RIT2: variants seen among roughly 807,000 people sequenced by gnomAD.
RIT2 encodes Ras like without CAAX 2.
In RIT2, 24 loss-of-function variants were observed where a neutral mutation model predicts 23.7. The ratio of observed to expected loss-of-function variants is 1.01; its 90% confidence interval spans 0.73 to 1.43. The LOEUF is 1.43. RIT2 is among the 40% of genes most tolerant of loss of function. The pLI, the probability that RIT2 is intolerant of heterozygous loss-of-function variation, is 0.00. For missense variants in RIT2, 236 were observed against 266.9 expected (o/e 0.88, Z 0.81); for synonymous variants, 107 against 91.1 (o/e 1.17, Z -0.99).
chr18:42,827,874 A>G (rs1002938755), intron 4 of RIT2, among the ~76,000 whole-genome samples: 10 of 151,866 alleles, frequency 6.6e-5, no homozygotes, highest in South Asian at 2.1e-4. Flanking sequence ...GCATGGTGGC[A>G]CGCGCCTGTA....
chr18:42,937,262 T>C (rs1444121863), intron 3 of RIT2, among the ~76,000 whole-genome samples: 1 of 152,134 alleles, frequency 6.6e-6, no homozygotes, highest in Non-Finnish European at 1.5e-5. Flanking sequence ...GTTACTGTCA[T>C]TTTTTTCCTA....
At chr18:43,096,912 A>G (rs1913567746) in intron 1 of RIT2, among the ~76,000 whole-genome samples, 1 of 151,956 alleles carries the variant, frequency 6.6e-6, no homozygotes. Context: ...TAAAAACAAA[A>G]TCTAATGGAC....
intron 4 of RIT2, among the ~76,000 whole-genome samples, chr18:42,920,190 T>G (rs1011385169): frequency 6.6e-6 from 1 of 152,160 alleles, no homozygotes; most frequent in Non-Finnish European, 1.5e-5. Context: ...GCTACTGCTC[T>G]AAGAAGCATG....
chr18:43,077,102 C>CAAAAAAGAAAA (rs755511835), intron 1 of RIT2, among the ~76,000 whole-genome samples: 6,487 of 79,938 alleles, frequency 0.081, 302 homozygotes, highest in East Asian at 0.13. Context: ...GACTCCGTCT[C>CAAAAAAGAAAA]AAAAAAAAAA....
chr18:42,771,624 C>T (rs1964655945), intron 4 of RIT2, among the ~76,000 whole-genome samples: 1 of 152,066 alleles, frequency 6.6e-6, no homozygotes, highest in Non-Finnish European at 1.5e-5. Context: ...TGAACAAATA[C>T]ATGGAGGGTG....
intron 1 of RIT2, among the ~76,000 whole-genome samples, chr18:43,037,202 G>A (rs888347259): frequency 1.7e-4 from 26 of 152,100 alleles, no homozygotes; most frequent in African/African-American, 5.8e-4. Context: ...AATAGGTAAC[G>A]ATCAACATGT....
chr18:42,955,101 A>G (rs1353206967), intron 3 of RIT2, among the ~76,000 whole-genome samples: 1 of 152,198 alleles, frequency 6.6e-6, no homozygotes. Context: ...TGAGGAAGTC[A>G]GATAAGCAGT....
chr18:43,052,889 C>T (rs951492312), intron 1 of RIT2, among the ~76,000 whole-genome samples: 5 of 152,072 alleles, frequency 3.3e-5, no homozygotes, highest in Non-Finnish European at 5.9e-5. Context: ...ACAGTTCTAT[C>T]TTGCCCACCA....
chr18:43,112,751 A>C (rs899496440), intron 1 of RIT2, among the ~76,000 whole-genome samples: 4 of 152,142 alleles, frequency 2.6e-5, no homozygotes, highest in African/African-American at 9.7e-5. Context: ...AAAAAGAAAA[A>C]TAAAAAAGAA....
At chr18:42,757,341 C>T (rs996512032) in intron 4 of RIT2, among the ~76,000 whole-genome samples, 13 of 152,182 alleles carry the variant, frequency 8.5e-5, no homozygotes, top group Non-Finnish European at 1.6e-4. Flanking sequence ...ACCGGGTCAT[C>T]ATGCCTTCTT....
At chr18:42,882,402 C>T (rs564299304) in intron 4 of RIT2, among the ~76,000 whole-genome samples, 15 of 152,162 alleles carry the variant, frequency 9.9e-5, no homozygotes, top group African/African-American at 1.4e-4. Context: ...TAGCAGTCTT[C>T]GCTAATTTCA....
At chr18:42,798,574 A>G (rs1246165610) in intron 4 of RIT2, among the ~76,000 whole-genome samples, 1 of 152,258 alleles carries the variant, frequency 6.6e-6, no homozygotes, top group African/African-American at 2.4e-5. Context: ...ATTAAATTGG[A>G]AAGATAATTA....
intron 4 of RIT2, among the ~76,000 whole-genome samples, chr18:42,860,903 C>A (rs1473277560): frequency 1.3e-5 from 2 of 152,152 alleles, no homozygotes; most frequent in Admixed American, 6.5e-5. Context: ...TTTCTTAAAA[C>A]CTATCTATCT....
chr18:42,984,564 T>C (rs1194261129), intron 2 of RIT2, among the ~76,000 whole-genome samples: 2 of 152,096 alleles, frequency 1.3e-5, no homozygotes, highest in Non-Finnish European at 2.9e-5. Flanking sequence ...GGATATGAGA[T>C]GTTTCTGTAT....
At chr18:42,745,460 C>T (rs181208662) in intron 4 of RIT2, among the ~76,000 whole-genome samples, 81 of 152,122 alleles carry the variant, frequency 5.3e-4, no homozygotes, top group African/African-American at 1.9e-3. Context: ...AGGTTCTTCA[C>T]TCTAGTCTGA....
At position 43,012,201 on chromosome 18, in the gene RIT2, G is replaced by A. The variant is rs536427167; in HGVS notation, c.160+21610C>T. Among the ~76,000 whole-genome samples, 5 of 151,932 alleles carry A rather than the reference G, an allele frequency of 3.3e-5. No individual in the cohort carries two copies. The South Asian group carries it at 8.3e-4, about 25-fold the overall frequency. On this transcript the variant is annotated intron_variant, in intron 2 of 4. Coordinates refer to ENST00000326695, the MANE Select transcript of RIT2 (RefSeq NM_002930.4). ...CTAGGAGTATAAATTACTGCAGACT[G>A]AGCATTACTATGCAAAGGTCAAGAC...
At position 42,759,712 on chromosome 18, in the gene RIT2, T is replaced by TACAC. The variant is rs59733922; in HGVS notation, c.427-15996_427-15993dup. ...GCTGGGGCTCTCACTGTGTTAAATC[T>TACAC]ACACACACACACACACACACACACA... On this transcript the variant is annotated intron_variant, in intron 4 of 4. Transcript: ENST00000326695. Among the ~76,000 whole-genome samples, 668 of 131,662 alleles carry TACAC rather than the reference T, an allele frequency of 5.1e-3. 3 individuals are homozygous for TACAC. The highest frequency in any genetic ancestry group is 0.018 in the African/African-American group (621 of 34,386). The allele number at this position is 131,662 out of a possible 152,430, so 86.4% of individuals were successfully genotyped here. A position where few individuals can be genotyped will look rare whatever the true frequency, so the allele number is the denominator to read the frequency against.
chr18:42,977,125 G>T (rs942630023), intron 2 of RIT2, among the ~76,000 whole-genome samples: 7 of 152,006 alleles, frequency 4.6e-5, no homozygotes, highest in Admixed American at 1.3e-4. Flanking sequence ...AGACAATAAA[G>T]AAACAGTTAT....
intron 1 of RIT2, among the ~76,000 whole-genome samples, chr18:43,082,172 T>G (rs1251676743): frequency 3.3e-5 from 5 of 152,214 alleles, no homozygotes; most frequent in Non-Finnish European, 7.3e-5. Context: ...ATTTTCTTGT[T>G]TATTTGCATA....
Sources: allele counts gnomAD v4.1 joint callset (sites outside exome capture counted in the v4.1 genomes callset), GRCh38; gene constraint gnomAD v4.1.1; transcripts MANE v1.5; gene names NCBI Gene and HGNC (gene_info 2026-07-23, HGNC 2026-07-21).